Variants in POLA1 observed in about 807,000 individuals in gnomAD.
The protein encoded by POLA1 is DNA polymerase alpha catalytic subunit.
A neutral mutation model predicts 124.0 loss-of-function variants in POLA1; 15 were observed. That is an observed-to-expected ratio of 0.12 (90% CI 0.08 to 0.19). The LOEUF is 0.19. Among genes scored for constraint, POLA1 ranks in the 10% least tolerant of loss-of-function variants. The pLI, the probability that POLA1 is intolerant of heterozygous loss-of-function variation, is 1.00. For missense variants in POLA1, 886 were observed against 1,103.4 expected (o/e 0.80, Z 2.79); for synonymous variants, 408 against 389.4 (o/e 1.05, Z -0.56).
intron 35 of POLA1, 149 bp from the exon 36 acceptor site, chrX:24,930,304 T>C (rs1191653033): frequency 2.2e-6 from 1 of 455,851 alleles, no homozygotes; most frequent in East Asian, 3.7e-5. Flanking sequence ...GACAAACCAT[T>C]AGTATGATTC....
At chrX:24,959,525 CCTT>C (rs1314253774) in intron 36 of POLA1, among the ~76,000 whole-genome samples, 2 of 110,347 alleles carry the variant, frequency 1.8e-5, no homozygotes, top group Non-Finnish European at 3.8e-5. Flanking sequence ...GCGGCTCTCT[CCTT>C]CTACCATTTT....
intron 36 of POLA1, among the ~76,000 whole-genome samples, chrX:24,952,492 A>C (rs1160455676): frequency 8.9e-6 from 1 of 111,864 alleles, no homozygotes; most frequent in East Asian, 2.8e-4. Flanking sequence ...ACTGCCCAAT[A>C]AATAAGCCAG....
intron 26 of POLA1, among the ~76,000 whole-genome samples, chrX:24,763,638 G>A (rs1932838882): frequency 2.7e-5 from 3 of 111,010 alleles, no homozygotes; most frequent in South Asian, 7.7e-4. Flanking sequence ...AAAGTAGACC[G>A]TGAAAGAGCA....
chrX:24,996,026 A>G lies in POLA1; in HGVS notation c.*76A>G. On this transcript the variant is annotated 3_prime_UTR_variant, in exon 37 of 37. Coordinates refer to ENST00000379068, the MANE Select transcript of POLA1 (RefSeq NM_001330360.2). ...CTCTGTGCCTCCACTCTGGCCCTAA[A>G]TGCTCCTCCAGCATCTGTTTCTCCC... is the stretch of plus-strand genomic sequence containing the variant. 2.2e-6 allele frequency: 2 copies of G among 913,470 alleles called. No individual in the cohort carries two copies. Among genetic ancestry groups the G allele is most frequent in the Non-Finnish European group, 3.1e-6 (2 of 642,169 alleles). 75.3% of individuals were successfully genotyped at this position (913,470 alleles called of 1,213,427 possible).
intron 34 of POLA1, among the ~76,000 whole-genome samples, chrX:24,875,151 G>GA (rs1381177450): frequency 1.8e-5 from 2 of 111,092 alleles, no homozygotes; most frequent in African/African-American, 6.5e-5. Context: ...CAGGAGAAAA[G>GA]AAAAAAATCA....
intron 26 of POLA1, among the ~76,000 whole-genome samples, chrX:24,804,977 T>C (rs1156587043): frequency 8.9e-6 from 1 of 111,872 alleles, no homozygotes; most frequent in Non-Finnish European, 1.9e-5. Context: ...ATATCGTGGG[T>C]ATATTCATGA....
At chrX:24,911,985 C>G (rs1407288878) in intron 35 of POLA1, among the ~76,000 whole-genome samples, 1 of 112,329 alleles carries the variant, frequency 8.9e-6, no homozygotes, top group Non-Finnish European at 1.9e-5. Context: ...AGCTTTAATA[C>G]TTACTACAAA....
intron 36 of POLA1, among the ~76,000 whole-genome samples, chrX:24,964,193 A>G (rs2048198513): frequency 8.9e-6 from 1 of 112,338 alleles, no homozygotes; most frequent in Admixed American, 9.4e-5. Flanking sequence ...AGATCCACCA[A>G]TTCACAGACT....
intron 36 of POLA1, among the ~76,000 whole-genome samples, chrX:24,935,638 C>CT (rs1205813757): frequency 3.6e-5 from 4 of 111,653 alleles, no homozygotes; most frequent in South Asian, 3.7e-4. Flanking sequence ...GCTTTCTTTT[C>CT]TTTTTTTTTC....
intron 34 of POLA1, among the ~76,000 whole-genome samples, chrX:24,849,018 T>C (rs1442601201): frequency 8.8e-6 from 1 of 113,105 alleles, no homozygotes. Flanking sequence ...TGTGGTTTGA[T>C]AGTTTTTAGG....
chrX:24,863,718 T>C (rs187503698), intron 34 of POLA1, among the ~76,000 whole-genome samples: 11 of 111,464 alleles, frequency 9.9e-5, no homozygotes, highest in African/African-American at 3.6e-4. Context: ...CTTTTGAATA[T>C]TTTGCATTAA....
chrX:24,826,455 G>C lies in POLA1; in HGVS notation c.3590G>C (p.Arg1197Thr). Residue 1197 changes from arginine (R) to threonine (T), a missense_variant, in exon 32 of 37, where the codon AGG becomes ACG. Physicochemically the swap from Arg to Thr is moderately conservative, Grantham distance 71 (BLOSUM62 -1). This residue lies in a region of POLA1 where 313 missense variants were observed against 359.7 expected (regional missense o/e 0.87). Coordinates refer to ENST00000379068, the MANE Select transcript of POLA1 (RefSeq NM_001330360.2). ...GGATCAAACCTCACTGCAAGTCAGA[G>C]GGCCTATGCGCCTGAGCAGCTGCAG... ...QDGSNLTASQ[R>T]AYAPEQLQKQ... 8.3e-7 allele frequency: 1 copy of C among 1,204,546 alleles called. No homozygotes were observed. The highest frequency in any genetic ancestry group is 1.1e-6 in the Non-Finnish European group (1 of 890,963).
intron 35 of POLA1, among the ~76,000 whole-genome samples, chrX:24,907,566 C>T (rs1159357378): frequency 1.8e-5 from 2 of 111,680 alleles, no homozygotes; most frequent in East Asian, 5.6e-4. Flanking sequence ...ACCCTGGAGC[C>T]AGAGGAAGTG....
At chrX:24,770,117 C>G (rs1272952643) in intron 26 of POLA1, among the ~76,000 whole-genome samples, 1 of 111,636 alleles carries the variant, frequency 9.0e-6, no homozygotes, top group Non-Finnish European at 1.9e-5. Context: ...TGTTATTGCA[C>G]TTTAACAGAG....
intron 32 of POLA1, among the ~76,000 whole-genome samples, chrX:24,827,724 G>A: frequency 8.9e-6 from 1 of 112,084 alleles, no homozygotes. Flanking sequence ...ATGGAATAGA[G>A]TTACTCTGAG....
rs762163114 is a variant in POLA1 at position 24,739,161 on chromosome X, A to T, written c.2041-214A>T. Reference sequence around the variant, plus strand: ...TGTCTGTTTTTTATTATACATTTCAAATGAGGCCAGGAATCCTTTCTGTTT... The same window carrying T: ...TGTCTGTTTTTTATTATACATTTCATATGAGGCCAGGAATCCTTTCTGTTT... On this transcript the variant is annotated intron_variant, in intron 19 of 36. Coordinates refer to ENST00000379068, the MANE Select transcript of POLA1 (RefSeq NM_001330360.2). Among the ~76,000 whole-genome samples, 14 of 111,747 alleles carry T rather than the reference A, an allele frequency of 1.3e-4. No homozygotes were observed. The South Asian group carries it at 5.3e-3, about 42-fold the overall frequency.
At chrX:24,969,816 C>T (rs2048278511) in intron 36 of POLA1, among the ~76,000 whole-genome samples, 1 of 111,034 alleles carries the variant, frequency 9.0e-6, no homozygotes, top group Admixed American at 9.6e-5. Flanking sequence ...CCTCCCACCT[C>T]AGCCCCCTCT....
intron 31 of POLA1, among the ~76,000 whole-genome samples, chrX:24,822,817 T>C (rs745426960): frequency 5.4e-5 from 6 of 111,751 alleles, no homozygotes; most frequent in Non-Finnish European, 1.1e-4. Context: ...TTTTCACTTA[T>C]GTCTTCACAT....
Position 24,878,596 on chromosome X carries a change from A to G in POLA1, c.4048-9410A>G, listed in dbSNP as rs766828928. Among the ~76,000 whole-genome samples, 3 of 110,952 alleles carry G rather than the reference A, an allele frequency of 2.7e-5. No homozygotes were observed. The South Asian group carries it at 1.2e-3, about 43-fold the overall frequency. ...GAAAGGTATTCAAATCATATTCCATAAAAGACTGGGTGCATTTTAGTGAAT... is the reference window on the plus strand; with the variant it reads ...GAAAGGTATTCAAATCATATTCCATGAAAGACTGGGTGCATTTTAGTGAAT... On this transcript the variant is annotated intron_variant, in intron 34 of 36. Coordinates refer to ENST00000379068, the MANE Select transcript of POLA1 (RefSeq NM_001330360.2).
Sources: allele counts gnomAD v4.1 joint callset (sites outside exome capture counted in the v4.1 genomes callset), GRCh38; gene constraint gnomAD v4.1.1; regional missense constraint gnomAD v4.1.1; transcripts MANE v1.5; gene names NCBI Gene and HGNC (gene_info 2026-07-23, HGNC 2026-07-21).